The following MNAT1 variants were observed in gnomAD, a reference collection of about 807,000 sequenced individuals.
MNAT1 encodes the protein MNAT1 component of CDK activating kinase.
A neutral mutation model predicts 42.0 loss-of-function variants in MNAT1; 43 were observed. That is an observed-to-expected ratio of 1.02 (90% CI 0.80 to 1.32). The LOEUF (loss-of-function observed/expected upper bound fraction) is 1.32, where lower values mean the gene tolerates loss of function less well. MNAT1 is among the 40% of genes most tolerant of loss of function. The pLI is 0.00. For missense variants in MNAT1, 306 were observed against 350.4 expected (o/e 0.87, Z 1.01); for synonymous variants, 118 against 120.0 (o/e 0.98, Z 0.11).
chr14:60,914,876 A>C (rs997233351), intron 7 of MNAT1, among the ~76,000 whole-genome samples: 1 of 152,224 alleles, frequency 6.6e-6, no homozygotes, highest in East Asian at 1.9e-4. Flanking sequence ...CATGGGTAGC[A>C]AATCAAATTT....
chr14:60,747,717 A>T (rs1372920587), intron 1 of MNAT1, among the ~76,000 whole-genome samples: 1 of 152,158 alleles, frequency 6.6e-6, no homozygotes, highest in African/African-American at 2.4e-5. Context: ...CTAAATTTAT[A>T]AAAAAATTTT....
rs773127862 is a variant in MNAT1 at position 60,796,385 on chromosome 14, C to G, written c.242+16C>G. 6.2e-7 allele frequency: 1 copy of G among 1,600,172 alleles called. No individual in the cohort carries two copies. On this transcript the variant is annotated intron_variant, in intron 2 of 7. Coordinates refer to ENST00000261245, the MANE Select transcript of MNAT1 (RefSeq NM_002431.4). The stretch of plus-strand genomic sequence containing the variant: ...TGCTAAAGATGTAAGTATTCCTGCT[C>G]GAATGATTCAGTCAACAAAGAGGAC...
At chr14:60,915,666 G>A (rs2035496639) in intron 7 of MNAT1, among the ~76,000 whole-genome samples, 1 of 152,176 alleles carries the variant, frequency 6.6e-6, no homozygotes, top group African/African-American at 2.4e-5. Context: ...AGTCTCTCCT[G>A]TCCTTGTGTT....
intron 6 of MNAT1, among the ~76,000 whole-genome samples, chr14:60,858,824 T>C (rs907728226): frequency 6.6e-6 from 1 of 152,236 alleles, no homozygotes; most frequent in African/African-American, 2.4e-5. Context: ...TTAGTAATAA[T>C]GTATTTTACA....
intron 7 of MNAT1, among the ~76,000 whole-genome samples, chr14:60,942,853 T>C (rs894277564): frequency 6.6e-5 from 10 of 152,152 alleles, no homozygotes; most frequent in African/African-American, 2.4e-4. Flanking sequence ...CAAAATCAAG[T>C]TTAACCTCAC....
intron 7 of MNAT1, among the ~76,000 whole-genome samples, chr14:60,938,271 G>A (rs970448967): frequency 8.7e-4 from 133 of 152,142 alleles, no homozygotes; most frequent in Non-Finnish European, 4.0e-4. Flanking sequence ...ATGTTGAATA[G>A]GAGTGGTGAG....
intron 7 of MNAT1, among the ~76,000 whole-genome samples, chr14:60,957,671 A>G (rs1010166945): frequency 1.3e-5 from 2 of 152,200 alleles, no homozygotes; most frequent in Non-Finnish European, 2.9e-5. Flanking sequence ...ATGTATTTTT[A>G]CATTATATAT....
chr14:60,898,095 T>TTGTGTGTGTGTGTG (rs756357048), intron 7 of MNAT1, among the ~76,000 whole-genome samples: 3 of 143,668 alleles, frequency 2.1e-5, no homozygotes, highest in African/African-American at 8.1e-5. Flanking sequence ...TAGTAATACA[T>TTGTGTGTGTGTGTG]TGTGTGTGTG....
rs573525835 is a variant in MNAT1 at position 60,827,564 on chromosome 14, A to G, written c.687+8717A>G. On this transcript the variant is annotated intron_variant, in intron 6 of 7. Transcript: ENST00000261245. Reference sequence around the variant, plus strand: ...CCTGTAAAGCCATAAGTTTGTGCCAAACAGCTTAGGTGCTTTACCATTTTG... The same window carrying G: ...CCTGTAAAGCCATAAGTTTGTGCCAGACAGCTTAGGTGCTTTACCATTTTG... Among the ~76,000 whole-genome samples the G allele has an allele frequency of 5.3e-5, 8 of 152,318 alleles. No homozygotes were observed. In the South Asian group the frequency reaches 1.4e-3, roughly 28 times the overall value.
intron 1 of MNAT1, among the ~76,000 whole-genome samples, chr14:60,761,519 A>G (rs912676359): frequency 1.3e-5 from 2 of 152,202 alleles, no homozygotes; most frequent in Admixed American, 6.5e-5. Context: ...TTATTTTTCA[A>G]TCCTTAGCAC....
At chr14:60,846,572 G>T (rs998928205) in intron 6 of MNAT1, among the ~76,000 whole-genome samples, 2 of 151,998 alleles carry the variant, frequency 1.3e-5, no homozygotes, top group Non-Finnish European at 2.9e-5. Flanking sequence ...TCTACATACT[G>T]CTTTTGCTAC....
intron 1 of MNAT1, among the ~76,000 whole-genome samples, chr14:60,777,615 G>A (rs2031299847): frequency 6.6e-6 from 1 of 151,690 alleles, no homozygotes; most frequent in Non-Finnish European, 1.5e-5. Flanking sequence ...GCCTGTTGAG[G>A]TCCTCTTTTT....
At chr14:60,862,941 C>T (rs1379420698) in intron 6 of MNAT1, among the ~76,000 whole-genome samples, 1 of 151,864 alleles carries the variant, frequency 6.6e-6, no homozygotes, top group East Asian at 1.9e-4. Context: ...GGGATATGTG[C>T]ATGGTGGGAG....
chr14:60,869,468 A>G (rs887040041), intron 6 of MNAT1, among the ~76,000 whole-genome samples: 1 of 152,168 alleles, frequency 6.6e-6, no homozygotes, highest in Non-Finnish European at 1.5e-5. Context: ...CTAATGGGAG[A>G]CAGATTCAAA....
chr14:60,818,914 C>T (rs4151229), intron 6 of MNAT1, 67 bp downstream of exon 6: 152 of 1,531,510 alleles, frequency 9.9e-5, no homozygotes, highest in South Asian at 7.3e-4. Flanking sequence ...TAATTTTACA[C>T]GATTTCTATA....
chr14:60,766,539 C>G (rs2030830456), intron 1 of MNAT1, among the ~76,000 whole-genome samples: 3 of 151,790 alleles, frequency 2.0e-5, no homozygotes, highest in Non-Finnish European at 4.4e-5. Context: ...TGGTGAAACT[C>G]CATTTCTATT....
intron 1 of MNAT1, among the ~76,000 whole-genome samples, chr14:60,752,939 ATT>A (rs1452448542): frequency 6.6e-6 from 1 of 151,968 alleles, no homozygotes; most frequent in East Asian, 1.9e-4. Context: ...TAATTTTTGT[ATT>A]TTTAGTAGAG....
chr14:60,872,088 A>C (rs1176606274), intron 6 of MNAT1, among the ~76,000 whole-genome samples: 4 of 152,152 alleles, frequency 2.6e-5, no homozygotes, highest in African/African-American at 9.7e-5. Flanking sequence ...TAATTCATTA[A>C]GGAAAGATGT....
chr14:60,785,506 G>T (rs975277230), intron 1 of MNAT1, among the ~76,000 whole-genome samples: 2 of 152,116 alleles, frequency 1.3e-5, no homozygotes, highest in Non-Finnish European at 2.9e-5. Flanking sequence ...AAACAAAAAT[G>T]AGAACATTGT....
Sources: allele counts gnomAD v4.1 joint callset (sites outside exome capture counted in the v4.1 genomes callset), GRCh38; gene constraint gnomAD v4.1.1; transcripts MANE v1.5; gene names NCBI Gene and HGNC (gene_info 2026-07-23, HGNC 2026-07-21).